The following PHLDB2 variants were observed in gnomAD, a reference collection of about 807,000 sequenced individuals.
PHLDB2 encodes the protein pleckstrin homology-like domain family B member 2.
Under a neutral mutation model 123.6 loss-of-function variants are expected in PHLDB2, and 71 were observed. That is an observed-to-expected ratio of 0.57 (90% confidence interval 0.47 to 0.70). PHLDB2 has a LOEUF of 0.70. Among genes scored for constraint, PHLDB2 ranks in the 30% least tolerant of loss-of-function variants. PHLDB2 has a pLI of 0.00. For missense variants in PHLDB2, 1,446 were observed against 1,519.5 expected (o/e 0.95, Z 0.80); for synonymous variants, 547 against 541.6 (o/e 1.01, Z -0.14).
intron 1 of PHLDB2, among the ~76,000 whole-genome samples, chr3:111,873,633 A>C (rs1403786341): frequency 1.3e-5 from 2 of 152,150 alleles, no homozygotes; most frequent in Non-Finnish European, 2.9e-5. Flanking sequence ...CTGCTTAGTG[A>C]CATCTGCCCT....
rs2064691707 is a variant in PHLDB2, at chr3:111,859,591, G to A, written c.-15+15G>A. Reference sequence around the variant, plus strand: ...CCAATGGCCAGGTGAGGAGGCGGCGGTGGTCGCCCGGGAGGAGGGGGTGGT... The same window carrying A: ...CCAATGGCCAGGTGAGGAGGCGGCGATGGTCGCCCGGGAGGAGGGGGTGGT... On this transcript the variant is annotated intron_variant, in intron 1 of 17. Transcript: ENST00000431670. The A allele has an allele frequency of 6.1e-6, 6 of 985,542 alleles. No homozygotes were observed. The highest frequency in any genetic ancestry group is 1.7e-5 in the African/African-American group (1 of 57,374). 61.0% of individuals were successfully genotyped at this position (985,542 alleles called of 1,614,324 possible).
intron 1 of PHLDB2, among the ~76,000 whole-genome samples, chr3:111,874,285 C>G (rs1057507003): frequency 3.3e-5 from 5 of 152,130 alleles, no homozygotes; most frequent in African/African-American, 1.2e-4. Context: ...TCCTGTCAAC[C>G]AAATATATTT....
At chr3:111,923,190 C>T (rs560814507) in intron 5 of PHLDB2, among the ~76,000 whole-genome samples, 1 of 152,242 alleles carries the variant, frequency 6.6e-6, no homozygotes, top group East Asian at 1.9e-4. Context: ...TCTACTCCTC[C>T]ATCAGATTCT....
At chr3:111,894,216 C>G (rs2066681595) in intron 2 of PHLDB2, among the ~76,000 whole-genome samples, 1 of 151,632 alleles carries the variant, frequency 6.6e-6, no homozygotes, top group Admixed American at 6.6e-5. Context: ...CAATTTCATC[C>G]ATGTCCCTAC....
chr3:111,893,973 A>G (rs151013727), intron 2 of PHLDB2, among the ~76,000 whole-genome samples: 14,925 of 144,968 alleles, frequency 0.1, 1,017 homozygotes, highest in Non-Finnish European at 0.15. Flanking sequence ...GGTTAGTTAC[A>G]TACGTATACA....
At chr3:111,875,640 T>C (rs2065574156) in intron 1 of PHLDB2, among the ~76,000 whole-genome samples, 1 of 151,006 alleles carries the variant, frequency 6.6e-6, no homozygotes, top group African/African-American at 2.4e-5. Flanking sequence ...TTGGCAAACA[T>C]GGTGAAACCC....
At chr3:111,787,098 C>G (rs965145067) in intron 1 of PHLDB2, among the ~76,000 whole-genome samples, 10 of 152,180 alleles carry the variant, frequency 6.6e-5, no homozygotes, top group Middle Eastern at 3.2e-3. Flanking sequence ...GTGGTGATGA[C>G]AGCCTAGTAG....
At chr3:111,943,612 C>T (rs368426428) in intron 8 of PHLDB2, among the ~76,000 whole-genome samples, 3 of 151,966 alleles carry the variant, frequency 2.0e-5, no homozygotes, top group Admixed American at 6.6e-5. Flanking sequence ...TACCAAAGAA[C>T]GTATATGAAG....
chr3:111,928,214 G>T (rs2068916936), intron 5 of PHLDB2, among the ~76,000 whole-genome samples: 1 of 152,192 alleles, frequency 6.6e-6, no homozygotes, highest in African/African-American at 2.4e-5. Context: ...TTACAATTGG[G>T]ATATTATTTG....
chr3:111,823,553 C>T (rs1449121978), intron 1 of PHLDB2, among the ~76,000 whole-genome samples: 1 of 152,182 alleles, frequency 6.6e-6, no homozygotes. Context: ...CATGACATTC[C>T]TCTCACTAGC....
At chr3:111,781,226 C>T (rs2060463248) in intron 1 of PHLDB2, among the ~76,000 whole-genome samples, 1 of 152,052 alleles carries the variant, frequency 6.6e-6, no homozygotes. Flanking sequence ...CTGATGAACT[C>T]TATTGACCAT....
chr3:111,835,898 C>G (rs1371803663), intron 1 of PHLDB2, among the ~76,000 whole-genome samples: 1 of 152,128 alleles, frequency 6.6e-6, no homozygotes, highest in East Asian at 1.9e-4. Flanking sequence ...TAGAGCTTAG[C>G]CTTGAAAAGC....
At chr3:111,951,625 T>C (rs1412264860) in intron 10 of PHLDB2, among the ~76,000 whole-genome samples, 1 of 152,180 alleles carries the variant, frequency 6.6e-6, no homozygotes, top group Non-Finnish European at 1.5e-5. Flanking sequence ...TTTAAAAAAA[T>C]AAAGCAATGT....
chr3:111,751,918 G>C (rs2059784078), intron 1 of PHLDB2, among the ~76,000 whole-genome samples: 2 of 152,250 alleles, frequency 1.3e-5, no homozygotes, highest in East Asian at 3.9e-4. Context: ...GAGACTCTGA[G>C]CTGCATCTCA....
chr3:111,812,463 G>A (rs565995298), intron 1 of PHLDB2, among the ~76,000 whole-genome samples: 52 of 152,330 alleles, frequency 3.4e-4, no homozygotes, highest in African/African-American at 1.2e-3. Flanking sequence ...TCCAATGGAA[G>A]GACCAGGTAA....
At chr3:111,871,854 C>T (rs1323663206) in intron 1 of PHLDB2, among the ~76,000 whole-genome samples, 4 of 152,090 alleles carry the variant, frequency 2.6e-5, no homozygotes, top group Admixed American at 2.0e-4. Context: ...CAGAATTGTA[C>T]CAAAGAGAAA....
At chr3:111,896,548 C>G (rs72938272) in intron 2 of PHLDB2, among the ~76,000 whole-genome samples, 2,968 of 151,940 alleles carry the variant, frequency 0.02, 103 homozygotes, top group African/African-American at 0.066. Flanking sequence ...GGTTTCGCCA[C>G]GTATGTTGGC....
At chr3:111,939,364 A>G (rs922103537) in intron 6 of PHLDB2, 111 bp from the exon 7 acceptor site, 78 of 1,117,834 alleles carry the variant, frequency 7.0e-5, no homozygotes, top group Non-Finnish European at 9.0e-5. Flanking sequence ...CCTGGTCAAT[A>G]TTGTAACTGG....
Position 111,945,129 on chromosome 3 carries a change from T to C in PHLDB2, c.2398-139T>C, listed in dbSNP as rs186438344. 1,031 of 648,316 alleles carry C rather than the reference T, an allele frequency of 1.6e-3. 7 individuals carry two copies. The highest frequency in any genetic ancestry group is 7.7e-3 in the African/African-American group (419 of 54,418). 40.2% of individuals were successfully genotyped at this position (648,316 alleles called of 1,614,324 possible). A position where few individuals can be genotyped will look rare whatever the true frequency, so the allele number is the denominator to read the frequency against. ...ACCTCTAGTATACAGATTTGAAATT[T>C]TGACTGAGTATGATGAGAGGAAATA... On this transcript the variant is annotated intron_variant, in intron 8 of 17. Coordinates refer to ENST00000431670, the MANE Select transcript of PHLDB2 (RefSeq NM_001134438.2).
Sources: gnomAD v4.1 joint callset for allele counts (sites outside exome capture counted in the v4.1 genomes callset) on GRCh38, gnomAD v4.1.1 for gene constraint, MANE v1.5 for transcripts, NCBI Gene and HGNC (gene_info 2026-07-23, HGNC 2026-07-21) for gene names.